VAV1: variants seen among roughly 807,000 people sequenced by gnomAD.
VAV1 encodes the protein vav guanine nucleotide exchange factor 1.
VAV1 carries 33 observed loss-of-function variants against 128.1 expected under a neutral mutation model. The ratio of observed to expected loss-of-function variants is 0.26; its 90% confidence interval spans 0.20 to 0.34. The LOEUF is 0.34. Ranked by LOEUF, VAV1 falls within the 10% of genes least tolerant of loss-of-function variation. The pLI is 1.00. For synonymous variants in VAV1, 394 were observed against 409.8 expected, an observed-to-expected ratio of 0.96 and a Z score of 0.47; for missense variants, 715 against 1,093.7, an observed-to-expected ratio of 0.65 and a Z score of 4.88.
chr19:6,795,406 G>A (rs1358889502), intron 1 of VAV1, among the ~76,000 whole-genome samples: 4 of 152,094 alleles, frequency 2.6e-5, no homozygotes, highest in East Asian at 3.8e-4. Flanking sequence ...TTGCAGGATC[G>A]TTTTGAAGAC....
Position 6,822,126 on chromosome 19 carries a change from G to T in VAV1, c.450-95G>T. The T allele has an allele frequency of 1.6e-6, 2 of 1,277,284 alleles. No homozygotes were observed. Among genetic ancestry groups the T allele is most frequent in the South Asian group, 1.3e-5 (1 of 75,328 alleles). 79.1% of individuals were successfully genotyped at this position (1,277,284 alleles called of 1,614,324 possible). Reference sequence around the variant, plus strand: ...CTTGGAGTCTGAGGTCCCACCCTTGGAGTCTTGGGGGGACAAAGCCCTGCG... The same window carrying T: ...CTTGGAGTCTGAGGTCCCACCCTTGTAGTCTTGGGGGGACAAAGCCCTGCG... On this transcript the variant is annotated intron_variant, in intron 4 of 26. Coordinates refer to ENST00000602142, the MANE Select transcript of VAV1 (RefSeq NM_005428.4). This position sits in a 1 kb window ranked among gnomAD's most constrained non-coding sequence, Gnocchi z 5.9.
At chr19:6,817,340 A>G (rs1221291728) in intron 1 of VAV1, among the ~76,000 whole-genome samples, 5 of 152,038 alleles carry the variant, frequency 3.3e-5, no homozygotes, top group Non-Finnish European at 5.9e-5. Context: ...CTGCGATTAC[A>G]GGGATGAGTC....
At chr19:6,789,462 AG>A (rs1404025808) in intron 1 of VAV1, among the ~76,000 whole-genome samples, 3 of 152,150 alleles carry the variant, frequency 2.0e-5, no homozygotes, top group African/African-American at 7.2e-5. Flanking sequence ...CGTGTTAGCC[AG>A]GATGGTCTCA....
rs543241120 is a variant in VAV1 at position 6,844,118 on chromosome 19, A to AGAG, written c.2012+953_2012+955dup. On this transcript the variant is annotated intron_variant, in intron 22 of 26. Coordinates refer to ENST00000602142, the MANE Select transcript of VAV1 (RefSeq NM_005428.4). ...TTTTTTTTTTTTGCAAATGAGGCTG[A>AGAG]GAGAGGGTAAGTGAATTACTTAATG... Among the ~76,000 whole-genome samples the AGAG allele has an allele frequency of 9.1e-3, 918 of 100,480 alleles. 16 individuals carry two copies. Among genetic ancestry groups the AGAG allele is most frequent in the Middle Eastern group, 0.071 (6 of 84 alleles). The allele number at this position is 100,480 out of a possible 152,430, so 65.9% of individuals were successfully genotyped here.
chr19:6,786,619 T>TA (rs1330078498), intron 1 of VAV1, among the ~76,000 whole-genome samples: 2 of 151,624 alleles, frequency 1.3e-5, no homozygotes, highest in East Asian at 3.9e-4. Context: ...CCCATCTCTA[T>TA]AAAAAATATA....
Position 6,833,295 on chromosome 19 carries a change from T to C in VAV1, c.1610+10T>C. The C allele has an allele frequency of 3.1e-6, 5 of 1,605,520 alleles. No homozygotes were observed. The highest frequency in any genetic ancestry group is 4.2e-6 in the Non-Finnish European group (5 of 1,176,974). ...GTCAGATGCTGCTTAGGTGAGAATC[T>C]GGGAGGAGGGTCCTGCATACCGGAC... On this transcript the variant is annotated intron_variant, in intron 16 of 26. Transcript: ENST00000602142.
intron 1 of VAV1, among the ~76,000 whole-genome samples, chr19:6,815,080 A>G (rs1422258403): frequency 1.3e-5 from 2 of 152,134 alleles, no homozygotes; most frequent in Non-Finnish European, 2.9e-5. Context: ...GGCGAGCAAC[A>G]GAATCTACCT....
At chr19:6,844,445 G>A (rs560170728) in intron 22 of VAV1, among the ~76,000 whole-genome samples, 1 of 152,008 alleles carries the variant, frequency 6.6e-6, no homozygotes, top group East Asian at 1.9e-4. Flanking sequence ...TCGAACTCCT[G>A]ATCTCAGGTG....
chr19:6,787,864 C>T (rs1970928355), intron 1 of VAV1, among the ~76,000 whole-genome samples: 1 of 151,992 alleles, frequency 6.6e-6, no homozygotes, highest in Non-Finnish European at 1.5e-5. Flanking sequence ...ATCACGAGGT[C>T]AGGAGATCGA....
At chr19:6,823,275 A>G (rs778167211) in intron 6 of VAV1, among the ~76,000 whole-genome samples, 5 of 150,436 alleles carry the variant, frequency 3.3e-5, no homozygotes, top group Admixed American at 1.3e-4. Context: ...ACAGGCATGC[A>G]CCACCATGCT....
At chr19:6,854,937 G>C (rs1027145695) in intron 26 of VAV1, among the ~76,000 whole-genome samples, 2 of 152,198 alleles carry the variant, frequency 1.3e-5, no homozygotes, top group African/African-American at 4.8e-5. Flanking sequence ...CCTGGGGTGA[G>C]AGGTGCCTAA....
chr19:6,780,082 G>A (rs1480906259), intron 1 of VAV1, among the ~76,000 whole-genome samples: 1 of 147,014 alleles, frequency 6.8e-6, no homozygotes, highest in Admixed American at 6.8e-5. Flanking sequence ...CTGCACTCCA[G>A]CCTGGGCGAC....
chr19:6,821,724 C>G (rs1402974529), intron 3 of VAV1, 44 bp downstream of exon 3: 30 of 1,613,830 alleles, frequency 1.9e-5, no homozygotes, highest in Non-Finnish European at 2.5e-5. Context: ...CCCAGTCCTC[C>G]CCCTCCCTGA....
At chr19:6,809,480 C>T (rs933889093) in intron 1 of VAV1, among the ~76,000 whole-genome samples, 9 of 152,044 alleles carry the variant, frequency 5.9e-5, no homozygotes, top group African/African-American at 2.2e-4. Flanking sequence ...AGATGAGAGA[C>T]AGTAAAATAG....
Position 6,774,427 on chromosome 19 carries a change from C to CTTTTTTTTTTTTTTTT in VAV1, c.204+1426_204+1441dup, listed in dbSNP as rs1002823385. 7.3e-4 allele frequency among the ~76,000 whole-genome samples: 67 copies of CTTTTTTTTTTTTTTTT among 91,562 alleles called. 2 individuals carry two copies. Among genetic ancestry groups the CTTTTTTTTTTTTTTTT allele is most frequent in the African/African-American group, 3.6e-3 (64 of 17,790 alleles). 60.1% of individuals were successfully genotyped at this position (91,562 alleles called of 152,430 possible). Reference sequence around the variant, plus strand: ...ACAGGTGTGAGCCACCGCGCCCAGCCTTTTTTTTTTTTTTTTTTTTTTTTT... The same window carrying CTTTTTTTTTTTTTTTT: ...ACAGGTGTGAGCCACCGCGCCCAGCCTTTTTTTTTTTTTTTTTTTTTTTTTTTTTTTTTTTTTTTTT... On this transcript the variant is annotated intron_variant, in intron 1 of 26. Coordinates refer to ENST00000602142, the MANE Select transcript of VAV1 (RefSeq NM_005428.4).
intron 24 of VAV1, among the ~76,000 whole-genome samples, chr19:6,852,537 C>T (rs960556054): frequency 3.7e-4 from 56 of 152,044 alleles, no homozygotes; most frequent in East Asian, 7.8e-4. Context: ...CTGGCTAACA[C>T]GGTGAAACCC....
intron 1 of VAV1, among the ~76,000 whole-genome samples, chr19:6,794,470 G>A (rs2660486): frequency 0.22 from 33,513 of 151,924 alleles, 3,919 homozygotes; most frequent in African/African-American, 0.3. Context: ...GCATCACTGC[G>A]CTCAGGCCTG....
At chr19:6,783,930 A>G (rs1398292048) in intron 1 of VAV1, among the ~76,000 whole-genome samples, 1 of 151,996 alleles carries the variant, frequency 6.6e-6, no homozygotes, top group Non-Finnish European at 1.5e-5. Context: ...CACTGGCTCC[A>G]GAAATGCAGG....
chr19:6,790,559 C>T (rs1418972058), intron 1 of VAV1, among the ~76,000 whole-genome samples: 2 of 152,188 alleles, frequency 1.3e-5, no homozygotes, highest in African/African-American at 2.4e-5. Flanking sequence ...GACAGGCGAG[C>T]CCCTAGATTG....
Sources: allele counts gnomAD v4.1 joint callset (sites outside exome capture counted in the v4.1 genomes callset), GRCh38; gene constraint gnomAD v4.1.1; non-coding constraint Gnocchi (gnomAD v3.1); transcripts MANE v1.5; gene names NCBI Gene and HGNC (gene_info 2026-07-23, HGNC 2026-07-21).